Variants in GK observed in about 807,000 individuals in gnomAD.
The protein encoded by GK is glycerol kinase.
In GK, 9 loss-of-function variants were observed where a neutral mutation model predicts 56.4. The ratio of observed to expected loss-of-function variants is 0.16; its 90% CI spans 0.10 to 0.28. The LOEUF is 0.28. Ranked by LOEUF, GK falls within the 10% of genes least tolerant of loss-of-function variation. The pLI, the probability that GK is intolerant of heterozygous loss-of-function variation, is 1.00. For missense variants in GK, 161 were observed against 431.4 expected (o/e 0.37, Z 5.55); for synonymous variants, 104 against 144.1 (o/e 0.72, Z 1.99).
chrX:30,686,598 G>A (rs1934628924), intron 4 of GK, among the ~76,000 whole-genome samples: 1 of 111,559 alleles, frequency 9.0e-6, no homozygotes, highest in Non-Finnish European at 1.9e-5. Context: ...AAACTGGAAA[G>A]TTATGAGGTT....
intron 14 of GK, 40 bp downstream of exon 14, chrX:30,718,656 T>C (rs756144517): frequency 2.4e-6 from 2 of 835,935 alleles, no homozygotes; most frequent in Non-Finnish European, 3.6e-6. Context: ...ATCTGAAAAA[T>C]GACACATTTC....
At chrX:30,680,012 T>A (rs1044923903) in intron 4 of GK, among the ~76,000 whole-genome samples, 10 of 111,815 alleles carry the variant, frequency 8.9e-5, no homozygotes, top group Non-Finnish European at 1.5e-4. Context: ...CAGTGGAGGT[T>A]GAACTTCACT....
intron 1 of GK, among the ~76,000 whole-genome samples, chrX:30,659,135 G>A (rs1345434993): frequency 3.6e-5 from 4 of 111,572 alleles, no homozygotes; most frequent in Non-Finnish European, 7.5e-5. Flanking sequence ...GGGTTCAAGC[G>A]ATTCCCCTGC....
intron 1 of GK, among the ~76,000 whole-genome samples, chrX:30,664,254 C>A (rs1489113809): frequency 2.0e-5 from 2 of 99,238 alleles, no homozygotes; most frequent in African/African-American, 7.4e-5. Flanking sequence ...AGTGCAATAG[C>A]GTGATCTCGG....
chrX:30,720,544 C>T, intron 16 of GK, 77 bp from the exon 17 acceptor site: 1 of 937,238 alleles, frequency 1.1e-6, no homozygotes, highest in Non-Finnish European at 1.5e-6. Context: ...TTGAGAGTTT[C>T]TGAGTGGAGG....
chrX:30,696,758 GTTTT>G (rs750814135), intron 8 of GK, 75 bp downstream of exon 8: 1 of 775,936 alleles, frequency 1.3e-6, no homozygotes, highest in Non-Finnish European at 1.9e-6. Flanking sequence ...AATAATTAAA[GTTTT>G]TTTATTACAA....
At chrX:30,707,441 TATA>T (rs1936077874) in intron 11 of GK, 112 bp from the exon 12 acceptor site, 1 of 509,451 alleles carries the variant, frequency 2.0e-6, no homozygotes, top group Non-Finnish European at 3.5e-6. Flanking sequence ...TTTATAAAAC[TATA>T]ATGACTTTTT....
At chrX:30,689,588 C>A (rs1198670223) in intron 4 of GK, 1 of 328,858 alleles carries the variant, frequency 3.0e-6, no homozygotes, top group African/African-American at 2.7e-5. Context: ...ATTCAACTCC[C>A]ACTTCATGAG....
intron 1 of GK, among the ~76,000 whole-genome samples, chrX:30,660,189 T>C (rs1016238421): frequency 9.6e-6 from 1 of 104,160 alleles, no homozygotes; most frequent in African/African-American, 3.5e-5. Context: ...CTATCACTTA[T>C]AGGTAATAGT....
At chrX:30,708,947 A>G (rs1045707696) in intron 13 of GK, among the ~76,000 whole-genome samples, 2 of 111,769 alleles carry the variant, frequency 1.8e-5, no homozygotes, top group African/African-American at 6.5e-5. Context: ...TGCCTAGCAC[A>G]TGAGGAATAT....
At chrX:30,658,001 G>T (rs1932425998) in intron 1 of GK, among the ~76,000 whole-genome samples, 1 of 112,067 alleles carries the variant, frequency 8.9e-6, no homozygotes, top group African/African-American at 3.2e-5. Flanking sequence ...CCTAGGCAGG[G>T]CTCAGGTGTG....
intron 4 of GK, 38 bp from the exon 5 acceptor site, chrX:30,691,085 G>A (rs756396008): frequency 1.3e-6 from 1 of 774,104 alleles, no homozygotes; most frequent in Non-Finnish European, 2.0e-6. Context: ...TTTTTTAAAT[G>A]AAGTTTTTCA....
intron 4 of GK, among the ~76,000 whole-genome samples, chrX:30,683,256 G>A (rs1023247380): frequency 2.7e-5 from 3 of 110,876 alleles, no homozygotes; most frequent in African/African-American, 9.8e-5. Flanking sequence ...GGGTCTCGCT[G>A]TGTTGAGTAG....
chrX:30,726,448 C>T (rs943540312), intron 19 of GK, among the ~76,000 whole-genome samples: 28 of 110,347 alleles, frequency 2.5e-4, no homozygotes, highest in Admixed American at 9.7e-5. Flanking sequence ...CCACCATGCC[C>T]GGCTAATTTT....
At chrX:30,675,651 G>A (rs758621020) in intron 3 of GK, among the ~76,000 whole-genome samples, 15 of 105,716 alleles carry the variant, frequency 1.4e-4, no homozygotes, top group East Asian at 2.9e-4. Flanking sequence ...GACTACAGGC[G>A]TGCACCACCA....
chrX:30,662,437 C>T (rs927885006), intron 1 of GK, among the ~76,000 whole-genome samples: 2 of 111,703 alleles, frequency 1.8e-5, no homozygotes, highest in Admixed American at 9.5e-5. Context: ...CCTGGTACAT[C>T]CAAATGTTGT....
Position 30,707,584 on chromosome X carries a change from A to G in GK, c.880A>G (p.Asn294Asp), listed in dbSNP as rs132630331. The G allele has an allele frequency of 9.2e-7, 1 of 1,090,999 alleles. No homozygotes were observed. Among genetic ancestry groups the G allele is most frequent in the Non-Finnish European group, 1.3e-6 (1 of 787,178 alleles). The allele number at this position is 1,090,999 out of a possible 1,213,427, so 89.9% of individuals were successfully genotyped here. Residue 294 changes from asparagine (N) to aspartate (D), a missense_variant, in exon 12 of 21, where the codon AAT becomes GAT. By Grantham distance (23) the Asn-to-Asp change is conservative. Transcript: ENST00000427190. ...TGGAACAGGATGTTTCTTACTATGT[A>G]ATACAGGCCATAAGGTTGGTTTTTT... is the stretch of plus-strand genomic sequence containing the variant. The part of the protein sequence containing the change: ...TYGTGCFLLC[N>D]TGHKCVFSDH...
At chrX:30,672,711 G>T (rs1418277021) in intron 3 of GK, among the ~76,000 whole-genome samples, 2 of 111,393 alleles carry the variant, frequency 1.8e-5, no homozygotes, top group Non-Finnish European at 3.8e-5. Flanking sequence ...CTACTCGGGA[G>T]GCTGAGGCAG....
rs533589900 is a variant in GK at position 30,723,647 on chromosome X, G to A, written c.1502-454G>A. 13 of 151,470 alleles carry A rather than the reference G, an allele frequency of 8.6e-5. No homozygotes were observed. In the East Asian group the frequency reaches 1.8e-3, roughly 21 times the overall value. The allele number at this position is 151,470 out of a possible 1,213,427, so 12.5% of individuals were successfully genotyped here. ...TGTTTGTTTGTTTGTTTTTGGGACC[G>A]AGTCTTGCTCTGTCACCCAGGCTAG... On this transcript the variant is annotated intron_variant, in intron 18 of 20. Coordinates refer to ENST00000427190, the MANE Select transcript of GK (RefSeq NM_001205019.2).
Sources: gnomAD v4.1 joint callset for allele counts (sites outside exome capture counted in the v4.1 genomes callset) on GRCh38, gnomAD v4.1.1 for gene constraint, MANE v1.5 for transcripts, NCBI Gene and HGNC (gene_info 2026-07-23, HGNC 2026-07-21) for gene names.